KLHL31: variants seen among roughly 807,000 people sequenced by gnomAD.
The protein encoded by KLHL31 is kelch like family member 31.
In KLHL31, 32 loss-of-function variants were observed where a neutral mutation model predicts 47.1. That is an observed-to-expected ratio of 0.68 (90% confidence interval 0.51 to 0.91). The LOEUF is 0.91. KLHL31 is among the 40% of genes least tolerant of loss of function. The probability of loss-of-function intolerance (pLI) is 0.00; values close to 1 mark genes in which losing one functional copy is unlikely to be tolerated. For missense variants in KLHL31, 797 were observed against 819.3 expected, an observed-to-expected ratio of 0.97 and a Z score of 0.33; for synonymous variants, 330 against 325.1, an observed-to-expected ratio of 1.01 and a Z score of -0.16.
rs998623295 is a variant in KLHL31 at position 53,650,032 on chromosome 6, A to G, written c.*1566T>C. 3 of 152,238 alleles carry G rather than the reference A, an allele frequency of 2.0e-5. No homozygotes were observed. The highest frequency in any genetic ancestry group is 7.2e-5 in the African/African-American group (3 of 41,470). 9.4% of individuals were successfully genotyped at this position (152,238 alleles called of 1,614,324 possible). On this transcript the variant is annotated 3_prime_UTR_variant, in exon 3 of 3. Transcript: ENST00000370905. ...GTGTACTATATGAACCACTTTTCAC[A>G]GTTCAAATAACATATTTTAGAAATA...
At position 53,652,227 on chromosome 6, in the gene KLHL31, C is replaced by A. The variant is rs145168774; in HGVS notation, c.1276G>T (p.Gly426Cys). Reference sequence around the variant, plus strand: ...GCCAGGCTTCCTTCTGCGTTGCGGCCGCCCGCGGCGTACACGAGCCCGTTG... The same window carrying A: ...GCCAGGCTTCCTTCTGCGTTGCGGCAGCCCGCGGCGTACACGAGCCCGTTG... ...VFNGLVYAAG[G>C]RNAEGSLASL... The change falls in exon 3 of 3, where the codon GGC becomes TGC. Residue 426 changes from glycine to cysteine, a missense_variant. Physicochemically the swap from Gly to Cys is radical, Grantham distance 159. Transcript: ENST00000370905. 3.1e-6 allele frequency: 5 copies of A among 1,613,610 alleles called. No individual in the cohort carries two copies. In the African/African-American group the frequency reaches 4.0e-5, roughly 13 times the overall value.
intron 2 of KLHL31, 25 bp from the exon 3 acceptor site, chr6:53,652,355 C>T (rs764460886): frequency 1.2e-6 from 2 of 1,611,658 alleles, no homozygotes; most frequent in Non-Finnish European, 1.7e-6. Context: ...GAAGGTGTAA[C>T]AGCTTTGTCG....
In KLHL31 at chr6:53,648,010, A is replaced by G. The variant is rs746736308; in HGVS notation, c.*3588T>C. ...TTGTTGTTCCTTATATAGTACCAGA[A>G]TGTTTTAAGCAAAGAAAGAAATTTT... On this transcript the variant is annotated 3_prime_UTR_variant, in exon 3 of 3. Coordinates refer to ENST00000370905, the MANE Select transcript of KLHL31 (RefSeq NM_001003760.5). The G allele has an allele frequency of 3.3e-5, 5 of 152,642 alleles. No individual in the cohort carries two copies. The highest frequency in any genetic ancestry group is 5.9e-5 in the Non-Finnish European group (4 of 68,032). The allele number at this position is 152,642 out of a possible 1,614,324, so 9.5% of individuals were successfully genotyped here. A position where few individuals can be genotyped will look rare whatever the true frequency, so the allele number is the denominator to read the frequency against.
At chr6:53,656,692 T>TAAATATCTA (rs1337192035) in intron 1 of KLHL31, among the ~76,000 whole-genome samples, 1 of 152,082 alleles carries the variant, frequency 6.6e-6, no homozygotes, top group African/African-American at 2.4e-5. Flanking sequence ...CCAGATGAAT[T>TAAATATCTA]AAATATCTAA....
intron 1 of KLHL31, among the ~76,000 whole-genome samples, chr6:53,657,842 C>A (rs1476851863): frequency 6.6e-6 from 1 of 152,146 alleles, no homozygotes; most frequent in African/African-American, 2.4e-5. Flanking sequence ...TGGTCTAATT[C>A]TTTTCCAGTG....
Position 53,651,481 on chromosome 6 carries a change from A to T in KLHL31, c.*117T>A. 2 of 1,087,300 alleles carry T rather than the reference A, an allele frequency of 1.8e-6. No homozygotes were observed. Among genetic ancestry groups the T allele is most frequent in the Non-Finnish European group, 1.3e-6 (1 of 779,562 alleles). The allele number at this position is 1,087,300 out of a possible 1,614,324, so 67.4% of individuals were successfully genotyped here. A position where few individuals can be genotyped will look rare whatever the true frequency, so the allele number is the denominator to read the frequency against. ...CAGGACATGTGCCTCGACATATTTT[A>T]CAATACAATCAGTGTAGTAAATGTT... On this transcript the variant is annotated 3_prime_UTR_variant, in exon 3 of 3. Transcript: ENST00000370905.
chr6:53,659,068 C>G (rs747816383), intron 1 of KLHL31, among the ~76,000 whole-genome samples: 5 of 152,134 alleles, frequency 3.3e-5, no homozygotes, highest in Admixed American at 6.6e-5. Context: ...AAATTTGAAC[C>G]ATTTTCATGA....
chr6:53,648,930 G>A lies in KLHL31; in HGVS notation c.*2668C>T, dbSNP rs1260352356. On this transcript the variant is annotated 3_prime_UTR_variant, in exon 3 of 3. Coordinates refer to ENST00000370905, the MANE Select transcript of KLHL31 (RefSeq NM_001003760.5). ...AATTTCCCTGATATATTGAACTGAT[G>A]CTTTTATTTGATCACAGGACTCAGC... The A allele has an allele frequency of 6.6e-6, 1 of 152,102 alleles. No individual in the cohort carries two copies. The highest frequency in any genetic ancestry group is 1.5e-5 in the Non-Finnish European group (1 of 67,996). 9.4% of individuals were successfully genotyped at this position (152,102 alleles called of 1,614,324 possible).
chr6:53,654,690 T>A lies in KLHL31; in HGVS notation c.583A>T (p.Ile195Phe), dbSNP rs1764529401. The A allele has an allele frequency of 2.5e-6, 4 of 1,614,058 alleles. No homozygotes were observed. The highest frequency in any genetic ancestry group is 1.3e-5 in the African/African-American group (1 of 74,946). The change falls in exon 2 of 3, where the codon ATT becomes TTT. Residue 195 changes from isoleucine to phenylalanine, a missense_variant. Ile to Phe is a conservative substitution (Grantham distance 21). Coordinates refer to ENST00000370905, the MANE Select transcript of KLHL31 (RefSeq NM_001003760.5). ...GCAAATTCAAGGAAGTTATCCCGAATAAATTTCTGGGCTGCTGCTTTTGCA... is the reference window on the plus strand; with the variant it reads ...GCAAATTCAAGGAAGTTATCCCGAAAAAATTTCTGGGCTGCTGCTTTTGCA... ...KNAKAAAQKF[I>F]RDNFLEFAES... is the part of the protein sequence containing the mutation.
At chr6:53,656,974 C>T (rs1764570447) in intron 1 of KLHL31, among the ~76,000 whole-genome samples, 1 of 119,496 alleles carries the variant, frequency 8.4e-6, no homozygotes, top group African/African-American at 3.2e-5. Context: ...ATTCTATCAC[C>T]CAGGCTAGAG....
intron 2 of KLHL31, among the ~76,000 whole-genome samples, chr6:53,652,794 C>G (rs953296469): frequency 3.3e-5 from 5 of 152,290 alleles, no homozygotes; most frequent in Non-Finnish European, 7.3e-5. Flanking sequence ...ATTCCTAGCT[C>G]CCTGTCACAG....
intron 1 of KLHL31, among the ~76,000 whole-genome samples, chr6:53,655,512 G>T (rs1424708950): frequency 1.3e-5 from 2 of 152,068 alleles, no homozygotes; most frequent in Non-Finnish European, 1.5e-5. Context: ...ATTCTAGGAA[G>T]ATTTATGTTA....
rs1581785255 is a variant in KLHL31 at position 53,649,940 on chromosome 6, G to T, written c.*1658C>A. On this transcript the variant is annotated 3_prime_UTR_variant, in exon 3 of 3. Transcript: ENST00000370905. ...TACAGCGTTTGTAGCCCTTACCTGA[G>T]TGTTATCATTAAATATCCAGAGATT... is the stretch of plus-strand genomic sequence containing the variant. The T allele has an allele frequency of 6.6e-6, 1 of 152,110 alleles. No homozygotes were observed. The highest frequency in any genetic ancestry group is 1.9e-4 in the East Asian group (1 of 5,192). 9.4% of individuals were successfully genotyped at this position (152,110 alleles called of 1,614,324 possible).
rs1228883345 is a variant in KLHL31 at position 53,654,715 on chromosome 6, A to G, written c.558T>C (p.Asn186=). The G allele has an allele frequency of 6.2e-7, 1 of 1,614,184 alleles. No individual in the cohort carries two copies. Among genetic ancestry groups the G allele is most frequent in the Admixed American group, 1.7e-5 (1 of 60,022 alleles). ...VNIAETYSLK[N]AKAAAQKFIR... is the part of the protein sequence containing the mutation. ...TAAATTTCTGGGCTGCTGCTTTTGCATTTTTTAGGGAGTATGTTTCAGCAA... is the reference window on the plus strand; with the variant it reads ...TAAATTTCTGGGCTGCTGCTTTTGCGTTTTTTAGGGAGTATGTTTCAGCAA... The change falls in exon 2 of 3, where the codon AAT becomes AAC. Residue 186 remains asparagine, a synonymous_variant. Coordinates refer to ENST00000370905, the MANE Select transcript of KLHL31 (RefSeq NM_001003760.5).
rs770015190 is a variant in KLHL31, at chr6:53,654,274, G to A, written c.999C>T (p.Ser333=). Residue 333 remains serine (S), a synonymous_variant, in exon 2 of 3, where the codon AGC becomes AGT. Transcript: ENST00000370905. The part of the protein sequence containing the change: ...GRPGLTEKSL[S]RDILYRDPEN... Reference sequence around the variant, plus strand: ...CAGGGTCTCTATACAAGATGTCTCTGCTAAGGGACTTCTCAGTAAGGCCTG... The same window carrying A: ...CAGGGTCTCTATACAAGATGTCTCTACTAAGGGACTTCTCAGTAAGGCCTG... 6.2e-7 allele frequency: 1 copy of A among 1,614,190 alleles called. No homozygotes were observed. Among genetic ancestry groups the A allele is most frequent in the South Asian group, 1.1e-5 (1 of 91,078 alleles).
In KLHL31 at chr6:53,651,588, C is replaced by T. The variant is rs1764465497; in HGVS notation, c.*10G>A. 1 of 1,602,188 alleles carries T rather than the reference C, an allele frequency of 6.2e-7. No individual in the cohort carries two copies. The highest frequency in any genetic ancestry group is 8.5e-7 in the Non-Finnish European group (1 of 1,170,858). ...ACGTGTTCTTCCTGCGTCCCTGCATCTACCTGGGCTCAGATACTGACTGGC... is the reference window on the plus strand; with the variant it reads ...ACGTGTTCTTCCTGCGTCCCTGCATTTACCTGGGCTCAGATACTGACTGGC... On this transcript the variant is annotated 3_prime_UTR_variant, in exon 3 of 3. Coordinates refer to ENST00000370905, the MANE Select transcript of KLHL31 (RefSeq NM_001003760.5).
chr6:53,650,266 AG>A lies in KLHL31; in HGVS notation c.*1331del. On this transcript the variant is annotated 3_prime_UTR_variant, in exon 3 of 3. Transcript: ENST00000370905. ...AGAATAAAGTGATAAATTATAAAAA[AG>A]GAAAATATGTATCATTTACTACAGT... 6.6e-6 allele frequency: 1 copy of A among 152,370 alleles called. No individual in the cohort carries two copies. Among genetic ancestry groups the A allele is most frequent in the East Asian group, 1.9e-4 (1 of 5,188 alleles). The allele number at this position is 152,370 out of a possible 1,614,324, so 9.4% of individuals were successfully genotyped here.
At chr6:53,661,166 C>T (rs186774515) in intron 1 of KLHL31, among the ~76,000 whole-genome samples, 30 of 152,274 alleles carry the variant, frequency 2.0e-4, no homozygotes, top group Admixed American at 1.4e-3. Context: ...CCTGCATCAC[C>T]GAAAGCCACT....
chr6:53,655,677 G>T (rs1411186957), intron 1 of KLHL31, among the ~76,000 whole-genome samples: 1 of 149,838 alleles, frequency 6.7e-6, no homozygotes, highest in Non-Finnish European at 1.5e-5. Flanking sequence ...CATGATCTCA[G>T]CTCACTGCAA....
Sources: allele counts gnomAD v4.1 joint callset (sites outside exome capture counted in the v4.1 genomes callset), GRCh38; gene constraint gnomAD v4.1.1; transcripts MANE v1.5; gene names NCBI Gene and HGNC (gene_info 2026-07-23, HGNC 2026-07-21).